The following RNF123 variants were observed in gnomAD, a reference collection of about 807,000 sequenced individuals.
RNF123 encodes ring finger protein 123, also known as E3 ubiquitin-protein ligase RNF123.
In RNF123, 86 loss-of-function variants were observed where a neutral mutation model predicts 168.5. That is an observed-to-expected ratio of 0.51 (90% CI 0.43 to 0.61). RNF123 has a LOEUF of 0.61. Ranked by LOEUF, RNF123 falls within the 20% of genes least tolerant of loss-of-function variation. The probability of loss-of-function intolerance (pLI) is 0.00; values close to 1 mark genes in which losing one functional copy is unlikely to be tolerated. For missense variants in RNF123, 1,419 were observed against 1,729.7 expected (o/e 0.82, Z 3.19); for synonymous variants, 666 against 689.1 (o/e 0.97, Z 0.52).
intron 35 of RNF123, chr3:49,719,668 G>T: frequency 1.8e-6 from 1 of 569,780 alleles, no homozygotes; most frequent in Non-Finnish European, 3.2e-6. Flanking sequence ...GCTCCCTTCG[G>T]CTTCGCTAGC....
intron 26 of RNF123, among the ~76,000 whole-genome samples, chr3:49,707,889 A>G (rs905718063): frequency 2.0e-5 from 3 of 152,068 alleles, no homozygotes; most frequent in Non-Finnish European, 4.4e-5. Context: ...CTGTCTTCTC[A>G]AGACCCTTGC....
At chr3:49,705,928 G>T in intron 24 of RNF123, 54 bp from the exon 25 acceptor site, 1 of 1,584,058 alleles carries the variant, frequency 6.3e-7, no homozygotes, top group Non-Finnish European at 8.7e-7. Context: ...GTCTGAAGAA[G>T]CCTGGATGAA....
chr3:49,712,972 C>T, intron 27 of RNF123: 1 of 702,062 alleles, frequency 1.4e-6, no homozygotes, highest in Non-Finnish European at 2.6e-6. Flanking sequence ...GCTGGCCTTG[C>T]ACCTTGACTC....
intron 26 of RNF123, among the ~76,000 whole-genome samples, chr3:49,712,060 A>C (rs1387528310): frequency 1.3e-5 from 2 of 151,956 alleles, no homozygotes; most frequent in African/African-American, 2.4e-5. Flanking sequence ...CCCCATCTCT[A>C]CTAAAAATAC....
In RNF123 at chr3:49,707,940, G is replaced by A. The variant is rs994675431; in HGVS notation, c.2496+1042G>A. Among the ~76,000 whole-genome samples, 10 of 152,004 alleles carry A rather than the reference G, an allele frequency of 6.6e-5. No homozygotes were observed. In the East Asian group the frequency reaches 1.9e-3, roughly 29 times the overall value. ...CCTTTTTTTAGTTATGCTAAAATATGTGTGACATAAAATGTACCATCCTAG... is the reference window on the plus strand; with the variant it reads ...CCTTTTTTTAGTTATGCTAAAATATATGTGACATAAAATGTACCATCCTAG... On this transcript the variant is annotated intron_variant, in intron 26 of 38. Transcript: ENST00000327697.
chr3:49,701,448 G>C, intron 15 of RNF123, 43 bp from the exon 16 acceptor site: 2 of 1,494,950 alleles, frequency 1.3e-6, no homozygotes, highest in Non-Finnish European at 1.9e-6. Context: ...AGGGTGTGCA[G>C]AGTGCCCTTT....
chr3:49,702,814 C>G, intron 20 of RNF123, 61 bp downstream of exon 20: 2 of 1,609,816 alleles, frequency 1.2e-6, no homozygotes, highest in Non-Finnish European at 1.7e-6. Flanking sequence ...AGGGCAGCCC[C>G]TAATGTTAGT....
chr3:49,715,658 A>C lies in RNF123; in HGVS notation c.3094A>C (p.Ser1032Arg). 6.2e-7 allele frequency: 1 copy of C among 1,614,192 alleles called. No individual in the cohort carries two copies. The highest frequency in any genetic ancestry group is 8.5e-7 in the Non-Finnish European group (1 of 1,180,032). ...GPDVAPSFLNSVLNQLNWAFS... is the reference protein window; with the variant it reads ...GPDVAPSFLNRVLNQLNWAFS... Reference sequence around the variant, plus strand: ...TGATGTGGCACCCAGCTTCCTCAACAGCGTCCTCAATCAGCTCAACTGGGC... The same window carrying C: ...TGATGTGGCACCCAGCTTCCTCAACCGCGTCCTCAATCAGCTCAACTGGGC... Residue 1032 changes from serine to arginine, a missense_variant, in exon 32 of 39, where the codon AGC becomes CGC. Physicochemically the swap from Ser to Arg is moderately radical, Grantham distance 110. Around this residue, in one of 5 missense-constraint regions of RNF123, gnomAD observed 538 missense variants for 708.8 expected, o/e 0.76. Transcript: ENST00000327697.
At position 49,716,133 on chromosome 3, in the gene RNF123, C is replaced by G. The variant is rs765450317; in HGVS notation, c.3371C>G (p.Ala1124Gly). ...LLNQVLNRVT[A>G]ERNLFDRVVT... is the part of the protein sequence containing the mutation. ...AACCAGGTGCTGAACCGGGTGACAG[C>G]TGAGAGGAACCTGTTTGATCGTGTG... Residue 1124 changes from alanine to glycine, a missense_variant, in exon 34 of 39, where the codon GCT (alanine) becomes GGT (glycine). Coordinates refer to ENST00000327697, the MANE Select transcript of RNF123 (RefSeq NM_022064.5). The G allele has an allele frequency of 1.9e-6, 3 of 1,613,724 alleles. No homozygotes were observed. The highest frequency in any genetic ancestry group is 2.5e-6 in the Non-Finnish European group (3 of 1,179,946).
chr3:49,703,521 C>T lies in RNF123; in HGVS notation c.1845C>T (p.Thr615=). The change falls in exon 21 of 39, where the codon ACC becomes ACT. Residue 615 remains threonine (T), a synonymous_variant. Transcript: ENST00000327697. ...LGGLLSHLRK[T]LKDDLASKAN... is the part of the protein sequence containing the mutation. The stretch of plus-strand genomic sequence containing the variant: ...GCCTCCTCTCGCACCTGCGGAAGAC[C>T]CTCAAAGGTGTGTACAGGCCTGTGG... 1 of 1,613,572 alleles carries T rather than the reference C, an allele frequency of 6.2e-7. No homozygotes were observed. The highest frequency in any genetic ancestry group is 1.1e-5 in the South Asian group (1 of 91,008).
At chr3:49,707,020 C>G in intron 26 of RNF123, 122 bp downstream of exon 26, 1 of 733,464 alleles carries the variant, frequency 1.4e-6, no homozygotes, top group Non-Finnish European at 2.4e-6. Context: ...ATGTCCCTTC[C>G]CACACTTCAG....
chr3:49,712,814 C>CT lies in RNF123; in HGVS notation c.2674+158_2674+159insT, dbSNP rs1375419291. The CT allele has an allele frequency of 1.5e-5, 12 of 816,494 alleles. No individual in the cohort carries two copies. The African/African-American group carries it at 1.9e-4, about 13-fold the overall frequency. The allele number at this position is 816,494 out of a possible 1,614,324, so 50.6% of individuals were successfully genotyped here. On this transcript the variant is annotated intron_variant, in intron 27 of 38. Coordinates refer to ENST00000327697, the MANE Select transcript of RNF123 (RefSeq NM_022064.5). ...TGTGGTTCACCCTGCAGCAAACAAA[C>CT]GTCTGCACCCTGCCCTGGGACCTGC...
intron 5 of RNF123, among the ~76,000 whole-genome samples, 172 bp from the exon 6 acceptor site, chr3:49,697,713 G>C (rs537807320): frequency 6.6e-6 from 1 of 152,288 alleles, no homozygotes; most frequent in African/African-American, 2.4e-5. Flanking sequence ...CTTGGCCCAG[G>C]ATCCTTCCTG....
At chr3:49,718,026 G>A in intron 35 of RNF123, 1 of 1,613,694 alleles carries the variant, frequency 6.2e-7, no homozygotes, top group Non-Finnish European at 8.5e-7. Context: ...GGCCTCCAGG[G>A]TTGTAGAGAT....
At position 49,721,480 on chromosome 3, in the gene RNF123, C is replaced by A. The variant is rs751983113; in HGVS notation, c.*175C>A. 1 of 950,690 alleles carries A rather than the reference C, an allele frequency of 1.1e-6. No individual in the cohort carries two copies. The highest frequency in any genetic ancestry group is 1.7e-6 in the Non-Finnish European group (1 of 586,278). 58.9% of individuals were successfully genotyped at this position (950,690 alleles called of 1,614,324 possible). ...AGCCATGGCCCTAATTGTGCCTGAGCTTGACTTTCAGTCAGGGCCACAGTG... is the reference window on the plus strand; with the variant it reads ...AGCCATGGCCCTAATTGTGCCTGAGATTGACTTTCAGTCAGGGCCACAGTG... On this transcript the variant is annotated 3_prime_UTR_variant, in exon 39 of 39. Coordinates refer to ENST00000327697, the MANE Select transcript of RNF123 (RefSeq NM_022064.5).
At chr3:49,720,703 C>G in intron 36 of RNF123, 50 bp downstream of exon 36, 4 of 1,601,356 alleles carry the variant, frequency 2.5e-6, no homozygotes, top group Non-Finnish European at 2.6e-6. Flanking sequence ...TGGGTCGGGT[C>G]AGGAGCCTTA....
In RNF123 at chr3:49,720,639, T is replaced by C. The variant is rs968536450; in HGVS notation, c.3629T>C (p.Phe1210Ser). ...TALPAPDRKR[F>S]SLQSYADYIS... is the part of the protein sequence containing the mutation. ...CTGCCAGCCCCTGACCGGAAGCGCT[T>C]CTCCCTGCAGAGCTGTGAGTGGGCT... The change falls in exon 36 of 39, where the codon TTC (phenylalanine) becomes TCC (serine). Residue 1210 changes from phenylalanine to serine, a missense_variant. Coordinates refer to ENST00000327697, the MANE Select transcript of RNF123 (RefSeq NM_022064.5). The C allele has an allele frequency of 1.9e-6, 3 of 1,600,532 alleles. No homozygotes were observed. Among genetic ancestry groups the C allele is most frequent in the Non-Finnish European group, 2.6e-6 (3 of 1,170,834 alleles).
intron 38 of RNF123, 36 bp from the exon 39 acceptor site, chr3:49,721,149 C>G (rs1559695076): frequency 6.2e-7 from 1 of 1,614,066 alleles, no homozygotes; most frequent in Non-Finnish European, 8.5e-7. Context: ...GCAGTAGGTA[C>G]ATGCAGGGCA....
rs1459126686 is a variant in RNF123, at chr3:49,719,145, G to A, written c.3501-1366G>A. 12 of 1,613,502 alleles carry A rather than the reference G, an allele frequency of 7.4e-6. No homozygotes were observed. The African/African-American group carries it at 1.2e-4, about 16-fold the overall frequency. On this transcript the variant is annotated intron_variant, in intron 35 of 38. Transcript: ENST00000327697. ...GATCGAGCAGCCTCAGGCCGCTGGC[G>A]TTGACGAAGACGCCGCGACCCAGCG...
Sources: allele counts gnomAD v4.1 joint callset (sites outside exome capture counted in the v4.1 genomes callset), GRCh38; gene constraint gnomAD v4.1.1; regional missense constraint gnomAD v4.1.1; transcripts MANE v1.5; gene names NCBI Gene and HGNC (gene_info 2026-07-23, HGNC 2026-07-21).